SFMBT2: variants seen among roughly 807,000 people sequenced by gnomAD.
SFMBT2 encodes the protein Scm like with four mbt domains 2.
SFMBT2 carries 38 observed loss-of-function variants against 110.1 expected under a neutral mutation model. That is an observed-to-expected ratio of 0.35 (90% CI 0.27 to 0.45). SFMBT2 has a LOEUF of 0.45. SFMBT2 is among the 20% of genes least tolerant of loss of function. The probability of loss-of-function intolerance (pLI) is 1.00; values close to 1 mark genes in which losing one functional copy is unlikely to be tolerated. For missense variants in SFMBT2, 1,011 were observed against 1,094.9 expected (o/e 0.92, Z 1.08); for synonymous variants, 425 against 425.4 (o/e 1.00, Z 0.01).
chr10:7,233,662 A>G (rs1840175633), intron 9 of SFMBT2, among the ~76,000 whole-genome samples: 1 of 152,232 alleles, frequency 6.6e-6, no homozygotes, highest in Non-Finnish European at 1.5e-5. Flanking sequence ...GTCCTTTCTG[A>G]GAAAGTTTCA....
intron 7 of SFMBT2, among the ~76,000 whole-genome samples, chr10:7,266,392 G>A (rs1841393153): frequency 6.6e-6 from 1 of 152,138 alleles, no homozygotes; most frequent in Non-Finnish European, 1.5e-5. Flanking sequence ...GCCCAGTCCA[G>A]GGTTTTCTAA....
chr10:7,211,585 G>T (rs900407031), intron 11 of SFMBT2, among the ~76,000 whole-genome samples: 1 of 152,056 alleles, frequency 6.6e-6, no homozygotes, highest in Non-Finnish European at 1.5e-5. Context: ...GGGATTAAAC[G>T]CCTCTTCCCC....
At chr10:7,294,522 C>T (rs1228084123) in intron 4 of SFMBT2, among the ~76,000 whole-genome samples, 1 of 152,154 alleles carries the variant, frequency 6.6e-6, no homozygotes, top group Admixed American at 6.5e-5. Flanking sequence ...TTGTCAAATG[C>T]TGCTGATAGG....
intron 4 of SFMBT2, among the ~76,000 whole-genome samples, chr10:7,334,786 G>A (rs1354030171): frequency 3.9e-5 from 6 of 152,138 alleles, no homozygotes; most frequent in Admixed American, 2.6e-4. Context: ...GCTGCCTTGC[G>A]GAACTCAGCT....
intron 9 of SFMBT2, among the ~76,000 whole-genome samples, chr10:7,235,997 T>C (rs1840240352): frequency 1.3e-5 from 2 of 152,096 alleles, no homozygotes; most frequent in South Asian, 2.1e-4. Context: ...TTTCCCAAAC[T>C]GTCAAGTATC....
At chr10:7,382,121 A>C (rs1845443269) in intron 1 of SFMBT2, among the ~76,000 whole-genome samples, 172 bp from the exon 2 acceptor site, 1 of 152,230 alleles carries the variant, frequency 6.6e-6, no homozygotes, top group African/African-American at 2.4e-5. Context: ...GTATTCTAGT[A>C]CACTGAGGCC....
At chr10:7,267,204 C>T (rs762685059) in intron 7 of SFMBT2, among the ~76,000 whole-genome samples, 2 of 151,970 alleles carry the variant, frequency 1.3e-5, no homozygotes, top group African/African-American at 4.8e-5. Flanking sequence ...TGCTGTGTGA[C>T]GCCTCCAGGA....
chr10:7,350,571 T>C (rs1844280345), intron 4 of SFMBT2, among the ~76,000 whole-genome samples: 2 of 152,298 alleles, frequency 1.3e-5, no homozygotes, highest in South Asian at 4.1e-4. Flanking sequence ...AATACAAATA[T>C]GTTTAATTTT....
intron 7 of SFMBT2, chr10:7,264,029 A>C (rs1841303964): frequency 4.1e-6 from 1 of 244,038 alleles, no homozygotes; most frequent in South Asian, 1.5e-4. Flanking sequence ...AAAGCACTGG[A>C]TGTGGAATCT....
rs56159103 is a variant in SFMBT2 at position 7,306,740 on chromosome 10, G to A, written c.437-20786C>T. On this transcript the variant is annotated intron_variant, in intron 4 of 20. Coordinates refer to ENST00000397167, the MANE Select transcript of SFMBT2 (RefSeq NM_001387889.1). ...CAGAAGATGAAGCCAAGAAAAGGGG[G>A]GAAAAAAAAGAGGAAGGAAAGAGAA... is the stretch of plus-strand genomic sequence containing the variant. Among the ~76,000 whole-genome samples the A allele has an allele frequency of 3.1e-3, 418 of 132,784 alleles. 3 individuals carry two copies. The highest frequency in any genetic ancestry group is 0.012 in the African/African-American group (396 of 32,590). The allele number at this position is 132,784 out of a possible 152,430, so 87.1% of individuals were successfully genotyped here. A position where few individuals can be genotyped will look rare whatever the true frequency, so the allele number is the denominator to read the frequency against.
intron 7 of SFMBT2, among the ~76,000 whole-genome samples, chr10:7,266,726 C>A (rs1433965280): frequency 6.6e-6 from 1 of 152,142 alleles, no homozygotes; most frequent in East Asian, 1.9e-4. Context: ...CAAGCTCTGG[C>A]GTGATGGGAC....
rs373530394 is a variant in SFMBT2 at position 7,288,148 on chromosome 10, G to A, written c.437-2194C>T. ...TTCACAGAACAGCCAGTAGAATGGA[G>A]ACCAAGATACAAGCCAAGCAGTGGC... On this transcript the variant is annotated intron_variant, in intron 4 of 20. Transcript: ENST00000397167. 1.1e-4 allele frequency among the ~76,000 whole-genome samples: 16 copies of A among 152,296 alleles called. No homozygotes were observed. In the East Asian group the frequency reaches 1.5e-3, roughly 15 times the overall value.
chr10:7,376,933 G>T (rs1845239647), intron 2 of SFMBT2, among the ~76,000 whole-genome samples: 1 of 150,880 alleles, frequency 6.6e-6, no homozygotes, highest in Non-Finnish European at 1.5e-5. Flanking sequence ...GCACTTGGGA[G>T]GCCGAGGCGG....
chr10:7,336,233 T>C (rs1843714366), intron 4 of SFMBT2, among the ~76,000 whole-genome samples: 1 of 152,230 alleles, frequency 6.6e-6, no homozygotes, highest in South Asian at 2.1e-4. Context: ...TTCTTTACAC[T>C]AGAATTAGCT....
chr10:7,313,739 T>C (rs925496009), intron 4 of SFMBT2, among the ~76,000 whole-genome samples: 1 of 152,192 alleles, frequency 6.6e-6, no homozygotes, highest in African/African-American at 2.4e-5. Flanking sequence ...TCGCCTTGGC[T>C]CCCAAAGTGC....
chr10:7,194,588 G>A (rs1239618234), intron 15 of SFMBT2, among the ~76,000 whole-genome samples: 2 of 152,084 alleles, frequency 1.3e-5, no homozygotes, highest in Non-Finnish European at 2.9e-5. Flanking sequence ...CCATTACCTC[G>A]TTCTCTTTAA....
intron 1 of SFMBT2, among the ~76,000 whole-genome samples, chr10:7,405,181 A>G (rs890268060): frequency 3.9e-4 from 59 of 152,220 alleles, no homozygotes; most frequent in African/African-American, 1.4e-3. Flanking sequence ...CTTGCTGGCT[A>G]CCAGAAGGCT....
intron 7 of SFMBT2, among the ~76,000 whole-genome samples, chr10:7,272,475 T>C (rs1475955711): frequency 1.3e-5 from 2 of 152,088 alleles, no homozygotes; most frequent in Non-Finnish European, 2.9e-5. Flanking sequence ...ACCGGGGGGT[T>C]GACAGGAGCT....
At position 7,228,719 on chromosome 10, in the gene SFMBT2, CTTTCTTT is replaced by C. The variant is rs1396144097; in HGVS notation, c.1121-789_1121-783del. Among the ~76,000 whole-genome samples the C allele has an allele frequency of 4.7e-5, 6 of 128,386 alleles. 1 individual carries two copies. The highest frequency in any genetic ancestry group is 4.0e-4 in the Admixed American group (5 of 12,598). The allele number at this position is 128,386 out of a possible 152,430, so 84.2% of individuals were successfully genotyped here. A position where few individuals can be genotyped will look rare whatever the true frequency, so the allele number is the denominator to read the frequency against. ...TCTTTCTTTCTTTCTTTCTTTCTTT[CTTTCTTT>C]CTTTCTTTCCTTTCTCTCTCTCTCT... On this transcript the variant is annotated intron_variant, in intron 9 of 20. Transcript: ENST00000397167.
Sources: gnomAD v4.1 joint callset for allele counts (sites outside exome capture counted in the v4.1 genomes callset) on GRCh38, gnomAD v4.1.1 for gene constraint, MANE v1.5 for transcripts, NCBI Gene and HGNC (gene_info 2026-07-23, HGNC 2026-07-21) for gene names.